The following ZBTB20 variants were observed in gnomAD, a reference collection of about 807,000 sequenced individuals.
The protein encoded by ZBTB20 is zinc finger and BTB domain containing 20.
ZBTB20 carries 9 observed loss-of-function variants against 56.9 expected under a neutral mutation model. That is an observed-to-expected ratio of 0.16 (90% CI 0.10 to 0.28). The LOEUF (loss-of-function observed/expected upper bound fraction) is 0.28, where lower values mean the gene tolerates loss of function less well. Ranked by LOEUF, ZBTB20 falls within the 10% of genes least tolerant of loss-of-function variation. ZBTB20 has a pLI of 1.00. For missense variants in ZBTB20, 655 were observed against 1,003.0 expected, an observed-to-expected ratio of 0.65 and a Z score of 4.69; for synonymous variants, 417 against 420.7, an observed-to-expected ratio of 0.99 and a Z score of 0.11.
At chr3:114,580,205 C>A (rs1354332100) in intron 6 of ZBTB20, among the ~76,000 whole-genome samples, 2 of 151,396 alleles carry the variant, frequency 1.3e-5, no homozygotes, top group East Asian at 3.8e-4. Flanking sequence ...TGTTTAATAT[C>A]AGGAAATGTA....
At chr3:114,692,660 G>T (rs147595695) in intron 6 of ZBTB20, among the ~76,000 whole-genome samples, 1 of 152,194 alleles carries the variant, frequency 6.6e-6, no homozygotes, top group Non-Finnish European at 1.5e-5. Context: ...TTTCAATGCA[G>T]GTCAGCCTCT....
At chr3:115,014,309 T>A (rs1576566381) in intron 2 of ZBTB20, among the ~76,000 whole-genome samples, 1 of 151,588 alleles carries the variant, frequency 6.6e-6, no homozygotes, top group Admixed American at 6.6e-5. Flanking sequence ...GTTAATGGGT[T>A]AAAAATAGTT....
At chr3:115,046,986 G>A (rs769697398) in intron 2 of ZBTB20, among the ~76,000 whole-genome samples, 3 of 152,090 alleles carry the variant, frequency 2.0e-5, no homozygotes, top group Non-Finnish European at 2.9e-5. Flanking sequence ...TACCACATAC[G>A]TTAGATGGTA....
At chr3:114,729,596 A>T (rs1156299549) in intron 5 of ZBTB20, among the ~76,000 whole-genome samples, 1 of 152,168 alleles carries the variant, frequency 6.6e-6, no homozygotes, top group Non-Finnish European at 1.5e-5. Context: ...TTTCACTTAG[A>T]AGCCATCTTG....
chr3:114,367,392 A>G (rs1352539840), intron 10 of ZBTB20, among the ~76,000 whole-genome samples: 1 of 152,144 alleles, frequency 6.6e-6, no homozygotes, highest in Non-Finnish European at 1.5e-5. Context: ...TCAAATTCCC[A>G]AGTAGCTGGA....
chr3:114,547,686 G>A (rs1237152625), intron 6 of ZBTB20, among the ~76,000 whole-genome samples: 6 of 152,094 alleles, frequency 3.9e-5, no homozygotes, highest in Admixed American at 6.6e-5. Flanking sequence ...TTGCCCTAAT[G>A]TTACATAACA....
chr3:114,831,087 C>CTTTTTTTTTTTTTTTTTTTTTTTTTTT (rs57265260), intron 4 of ZBTB20, among the ~76,000 whole-genome samples: 1 of 55,566 alleles, frequency 1.8e-5, no homozygotes, highest in African/African-American at 4.9e-5. Context: ...TTTCTTTCTT[C>CTTTTTTTTTTTTTTTTTTTTTTTTTTT]TTTTTTTTTT....
intron 1 of ZBTB20, among the ~76,000 whole-genome samples, chr3:115,117,402 A>G (rs977981470): frequency 6.6e-6 from 1 of 152,156 alleles, no homozygotes; most frequent in Non-Finnish European, 1.5e-5. Flanking sequence ...CCAGCTACAT[A>G]GAACTCACCT....
chr3:114,445,457 T>C (rs1345655833), intron 7 of ZBTB20: 1 of 152,194 alleles, frequency 6.6e-6, no homozygotes. Context: ...ACATGTTTCA[T>C]TGTAGTTGCA....
intron 7 of ZBTB20, among the ~76,000 whole-genome samples, chr3:114,397,516 T>C (rs2086435780): frequency 6.6e-6 from 1 of 152,130 alleles, no homozygotes; most frequent in African/African-American, 2.4e-5. Flanking sequence ...AGGGATACTT[T>C]CTCTGTAGCT....
intron 6 of ZBTB20, among the ~76,000 whole-genome samples, chr3:114,634,916 C>T (rs766495635): frequency 2.6e-5 from 4 of 152,058 alleles, no homozygotes; most frequent in Admixed American, 6.5e-5. Context: ...CCCAGGGATG[C>T]GTAGGAGCAA....
At chr3:115,088,393 C>A (rs1444936975) in intron 1 of ZBTB20, among the ~76,000 whole-genome samples, 2 of 151,632 alleles carry the variant, frequency 1.3e-5, no homozygotes, top group Non-Finnish European at 2.9e-5. Flanking sequence ...AAGACCATAA[C>A]CCTGGTTAGA....
chr3:114,764,253 T>TC, intron 5 of ZBTB20, among the ~76,000 whole-genome samples: 1 of 2,540 alleles, frequency 3.9e-4, no homozygotes. Context: ...CTCTCTCTCT[T>TC]TTTTTTTTTT....
chr3:114,349,061 G>A lies in ZBTB20; in HGVS notation c.1804+1213C>T, dbSNP rs949535723. Among the ~76,000 whole-genome samples, 7 of 152,082 alleles carry A rather than the reference G, an allele frequency of 4.6e-5. No individual in the cohort carries two copies. The East Asian group carries it at 5.8e-4, about 13-fold the overall frequency. ...CAAAAAATAAAAAAGTTAAATGAGC[G>A]TGGTGGCATGTGCCTGTAGACCCAG... On this transcript the variant is annotated intron_variant, in intron 11 of 11. Transcript: ENST00000675478.
intron 4 of ZBTB20, among the ~76,000 whole-genome samples, chr3:114,885,248 C>G (rs2076556403): frequency 6.6e-6 from 1 of 152,218 alleles, no homozygotes; most frequent in Admixed American, 6.5e-5. Context: ...ATGCACAACT[C>G]TGTGTAACCT....
At chr3:114,771,236 C>A (rs1411386598) in intron 5 of ZBTB20, among the ~76,000 whole-genome samples, 1 of 151,874 alleles carries the variant, frequency 6.6e-6, no homozygotes, top group African/African-American at 2.4e-5. Flanking sequence ...ACTCAAAAAA[C>A]CCAAAATGCT....
chr3:115,073,549 A>T (rs562155517), intron 1 of ZBTB20, among the ~76,000 whole-genome samples: 5 of 152,156 alleles, frequency 3.3e-5, no homozygotes, highest in Admixed American at 3.3e-4. Context: ...AGAAAAAATG[A>T]CTCTCACCCT....
At chr3:114,617,918 A>G (rs2058044887) in intron 6 of ZBTB20, among the ~76,000 whole-genome samples, 1 of 151,194 alleles carries the variant, frequency 6.6e-6, no homozygotes, top group African/African-American at 2.5e-5. Context: ...TAAAATTGCA[A>G]ACTTATCCCT....
At chr3:114,944,817 T>TTTG (rs1429976068) in intron 3 of ZBTB20, among the ~76,000 whole-genome samples, 1 of 144,528 alleles carries the variant, frequency 6.9e-6, no homozygotes, top group Non-Finnish European at 1.5e-5. Context: ...TACTAGAGGC[T>TTTG]GAGTGTTGGA....
Sources: allele counts gnomAD v4.1 joint callset (sites outside exome capture counted in the v4.1 genomes callset), GRCh38; gene constraint gnomAD v4.1.1; transcripts MANE v1.5; gene names NCBI Gene and HGNC (gene_info 2026-07-23, HGNC 2026-07-21).